L3MBTL4: variants seen among roughly 807,000 people sequenced by gnomAD.
L3MBTL4 encodes L3MBTL histone methyl-lysine binding protein 4.
In L3MBTL4, 70 loss-of-function variants were observed where a neutral mutation model predicts 84.5. That is an observed-to-expected ratio of 0.83 (90% CI 0.68 to 1.01). The LOEUF (loss-of-function observed/expected upper bound fraction) is 1.01. Ranked by LOEUF, L3MBTL4 falls within the 50% of genes least tolerant of loss-of-function variation. The pLI is 0.00. For missense variants in L3MBTL4, 715 were observed against 754.8 expected (o/e 0.95, Z 0.62); for synonymous variants, 274 against 259.8 (o/e 1.05, Z -0.52).
intron 10 of L3MBTL4, among the ~76,000 whole-genome samples, chr18:6,235,935 A>T (rs1355310488): frequency 6.6e-6 from 1 of 152,202 alleles, no homozygotes; most frequent in East Asian, 1.9e-4. Flanking sequence ...ATTGAAAGAA[A>T]ATTTTAAAAG....
At chr18:6,321,050 C>T (rs2051377044) in intron 1 of L3MBTL4, among the ~76,000 whole-genome samples, 1 of 152,094 alleles carries the variant, frequency 6.6e-6, no homozygotes, top group African/African-American at 2.4e-5. Flanking sequence ...GAAACAGGAT[C>T]CCTCTCTCTC....
At chr18:6,244,336 A>T (rs1340817058) in intron 6 of L3MBTL4, 148 bp downstream of exon 6, 4 of 494,820 alleles carry the variant, frequency 8.1e-6, no homozygotes, top group Non-Finnish European at 1.4e-5. Context: ...ATTCACTAAG[A>T]AACATAGTTT....
At chr18:6,360,227 C>G (rs142865075) in intron 1 of L3MBTL4, among the ~76,000 whole-genome samples, 1 of 151,914 alleles carries the variant, frequency 6.6e-6, no homozygotes, top group Non-Finnish European at 1.5e-5. Flanking sequence ...CAAAATTTAG[C>G]GGGGTGTGGA....
At chr18:6,240,919 A>C (rs917012882) in intron 8 of L3MBTL4, among the ~76,000 whole-genome samples, 1 of 152,224 alleles carries the variant, frequency 6.6e-6, no homozygotes, top group African/African-American at 2.4e-5. Flanking sequence ...TGATCTACCC[A>C]GATCCGCAGA....
At chr18:6,194,677 T>C (rs954657530) in intron 12 of L3MBTL4, among the ~76,000 whole-genome samples, 5 of 152,118 alleles carry the variant, frequency 3.3e-5, no homozygotes, top group African/African-American at 1.2e-4. Flanking sequence ...TCAGACAGAA[T>C]GCCAAAGGAT....
chr18:6,384,563 C>G (rs2054734931), intron 1 of L3MBTL4, among the ~76,000 whole-genome samples: 1 of 152,200 alleles, frequency 6.6e-6, no homozygotes, highest in Non-Finnish European at 1.5e-5. Flanking sequence ...ATCTGGGACA[C>G]TATTTCTAAC....
At chr18:6,190,479 CA>C (rs1413770919) in intron 12 of L3MBTL4, among the ~76,000 whole-genome samples, 1 of 152,042 alleles carries the variant, frequency 6.6e-6, no homozygotes, top group African/African-American at 2.4e-5. Flanking sequence ...ATATTTGCCC[CA>C]TTATGACATG....
At position 6,138,312 on chromosome 18, in the gene L3MBTL4, GA is replaced by G; in HGVS notation, c.1097-17del. ...TCATTCGTTCCTTCAGGAAGTAAAA[GA>G]ACATGCCTTGAAAACACCCTCATTA... On this transcript the variant is annotated splice_polypyrimidine_tract_variant and intron_variant, in intron 13 of 18. Coordinates refer to ENST00000317931, the MANE Select transcript of L3MBTL4 (RefSeq NM_001330559.2). 6.5e-7 allele frequency: 1 copy of G among 1,529,170 alleles called. No homozygotes were observed. Among genetic ancestry groups the G allele is most frequent in the Non-Finnish European group, 9.0e-7 (1 of 1,107,736 alleles). The allele number at this position is 1,529,170 out of a possible 1,614,324, so 94.7% of individuals were successfully genotyped here. A position where few individuals can be genotyped will look rare whatever the true frequency, so the allele number is the denominator to read the frequency against.
intron 16 of L3MBTL4, among the ~76,000 whole-genome samples, chr18:5,980,060 T>A (rs2053133906): frequency 6.6e-6 from 1 of 152,230 alleles, no homozygotes; most frequent in Non-Finnish European, 1.5e-5. Flanking sequence ...GCCTTGTCCC[T>A]GGCACAGAGC....
intron 1 of L3MBTL4, among the ~76,000 whole-genome samples, chr18:6,383,424 T>A (rs1382897456): frequency 1.3e-5 from 2 of 152,034 alleles, no homozygotes; most frequent in Admixed American, 1.3e-4. Context: ...TGCTTGAAAC[T>A]CAGGGCCCTG....
At chr18:6,286,821 G>A (rs997284799) in intron 4 of L3MBTL4, among the ~76,000 whole-genome samples, 2 of 151,996 alleles carry the variant, frequency 1.3e-5, no homozygotes, top group African/African-American at 4.8e-5. Flanking sequence ...CCTGATTGTC[G>A]CTCTGTTTCA....
intron 13 of L3MBTL4, among the ~76,000 whole-genome samples, chr18:6,150,230 T>C (rs1383177751): frequency 6.6e-6 from 1 of 152,146 alleles, no homozygotes; most frequent in African/African-American, 2.4e-5. Flanking sequence ...AAGTTACCCA[T>C]AAGATTGAAA....
chr18:6,154,573 C>T (rs966183819), intron 13 of L3MBTL4, among the ~76,000 whole-genome samples: 2 of 152,142 alleles, frequency 1.3e-5, no homozygotes, highest in African/African-American at 4.8e-5. Flanking sequence ...TCTGAATGTG[C>T]AAACAACCTG....
Position 6,334,563 on chromosome 18 carries a change from A to G in L3MBTL4, c.-90-22507T>C, listed in dbSNP as rs1272072686. Among the ~76,000 whole-genome samples the G allele has an allele frequency of 3.9e-5, 6 of 152,352 alleles. No individual in the cohort carries two copies. The East Asian group carries it at 1.2e-3, about 29-fold the overall frequency. On this transcript the variant is annotated intron_variant, in intron 1 of 18. Coordinates refer to ENST00000317931, the MANE Select transcript of L3MBTL4 (RefSeq NM_001330559.2). ...GGGGAGTTCCTTCAAAAAGGAACAT[A>G]CATTCCTCATGATTAAAAACATCAA...
chr18:6,021,780 G>A (rs879517895), intron 16 of L3MBTL4, among the ~76,000 whole-genome samples: 3 of 152,156 alleles, frequency 2.0e-5, no homozygotes, highest in Admixed American at 1.3e-4. Context: ...GGGGGGTGGC[G>A]GGTTTATCAG....
At chr18:5,959,007 A>C (rs2155579) in intron 18 of L3MBTL4, among the ~76,000 whole-genome samples, 56,302 of 152,042 alleles carry the variant, frequency 0.37, 10,705 homozygotes, top group East Asian at 0.49. Flanking sequence ...TGCTGAGCTC[A>C]GGCAGAGCCA....
intron 14 of L3MBTL4, among the ~76,000 whole-genome samples, chr18:6,126,147 G>T (rs1387652145): frequency 6.6e-6 from 1 of 152,056 alleles, no homozygotes; most frequent in Admixed American, 6.6e-5. Context: ...AAACAAAAAA[G>T]ACACAGATTA....
chr18:6,220,295 A>G (rs2046497426), intron 10 of L3MBTL4, among the ~76,000 whole-genome samples: 1 of 152,162 alleles, frequency 6.6e-6, no homozygotes, highest in South Asian at 2.1e-4. Flanking sequence ...ACAGGGCCCT[A>G]CAGAACTTGG....
intron 1 of L3MBTL4, among the ~76,000 whole-genome samples, chr18:6,392,946 G>T (rs932310781): frequency 6.6e-6 from 1 of 151,924 alleles, no homozygotes; most frequent in Non-Finnish European, 1.5e-5. Flanking sequence ...AAGGAAATGA[G>T]AGACAAAAAA....
Sources: gnomAD v4.1 joint callset for allele counts (sites outside exome capture counted in the v4.1 genomes callset) on GRCh38, gnomAD v4.1.1 for gene constraint, MANE v1.5 for transcripts, NCBI Gene and HGNC (gene_info 2026-07-23, HGNC 2026-07-21) for gene names.